GBF1: variants seen among roughly 807,000 people sequenced by gnomAD.
GBF1 encodes Golgi-specific brefeldin A-resistance guanine nucleotide exchange factor 1.
A neutral mutation model predicts 210.5 loss-of-function variants in GBF1; 114 were observed. The ratio of observed to expected loss-of-function variants is 0.54; its 90% CI spans 0.47 to 0.63. The LOEUF (loss-of-function observed/expected upper bound fraction) is 0.63. Ranked by LOEUF, GBF1 falls within the 30% of genes least tolerant of loss-of-function variation. The pLI, the probability that GBF1 is intolerant of heterozygous loss-of-function variation, is 0.00. For missense variants in GBF1, 1,851 were observed against 2,357.7 expected (o/e 0.79, Z 4.45); for synonymous variants, 850 against 889.2 (o/e 0.96, Z 0.78).
chr10:102,369,520 C>A, intron 24 of GBF1, 133 bp downstream of exon 24: 1 of 875,546 alleles, frequency 1.1e-6, no homozygotes, highest in Non-Finnish European at 1.8e-6. Context: ...AGGAATGCCT[C>A]AAATGTAAGA....
chr10:102,279,960 T>C (rs2075329986), intron 3 of GBF1, among the ~76,000 whole-genome samples: 1 of 151,754 alleles, frequency 6.6e-6, no homozygotes, highest in Non-Finnish European at 1.5e-5. Context: ...TCTACTAAAT[T>C]TTTTTTTGTT....
At chr10:102,320,368 G>A (rs1008602530) in intron 3 of GBF1, among the ~76,000 whole-genome samples, 15 of 152,238 alleles carry the variant, frequency 9.9e-5, no homozygotes, top group African/African-American at 2.9e-4. Context: ...AACACTTGGT[G>A]TGGGTCTCTT....
chr10:102,325,254 G>A (rs899343131), intron 3 of GBF1, among the ~76,000 whole-genome samples: 3 of 152,040 alleles, frequency 2.0e-5, no homozygotes, highest in East Asian at 1.9e-4. Flanking sequence ...GTCTCTATAC[G>A]AATGCTGAGA....
At chr10:102,304,773 CAAAA>C (rs567944759) in intron 3 of GBF1, among the ~76,000 whole-genome samples, 3 of 138,568 alleles carry the variant, frequency 2.2e-5, no homozygotes, top group Non-Finnish European at 4.7e-5. Flanking sequence ...GACTTCATCT[CAAAA>C]AAAAAAGAAA....
chr10:102,381,255 GGTGA>G lies in GBF1; in HGVS notation c.5302+3_5302+6del. ...GATTCCATCTGAGCTGGGGGCCTGT[GGTGA>G]GTCTCTCTAGCCTAGCCTGATAGGC... On this transcript the variant is annotated splice_donor_variant and splice_donor_region_variant and intron_variant, in intron 39 of 39. Coordinates refer to ENST00000369983, the MANE Select transcript of GBF1 (RefSeq NM_001377137.1). LOFTEE classifies it high-confidence loss of function. The G allele has an allele frequency of 6.2e-7, 1 of 1,613,652 alleles. No individual in the cohort carries two copies. The highest frequency in any genetic ancestry group is 8.5e-7 in the Non-Finnish European group (1 of 1,179,920).
chr10:102,380,238 G>A lies in GBF1; in HGVS notation c.4879-11G>A. ...CAGTCCCCTCAGCTGAAGGGGGCTG[G>A]TGGGCCATAGGTCTTCCTGCAGCAC... On this transcript the variant is annotated splice_polypyrimidine_tract_variant and intron_variant, in intron 36 of 39. Transcript: ENST00000369983. 1 of 1,587,454 alleles carries A rather than the reference G, an allele frequency of 6.3e-7. No homozygotes were observed. Among genetic ancestry groups the A allele is most frequent in the South Asian group, 1.1e-5 (1 of 90,568 alleles).
intron 1 of GBF1, among the ~76,000 whole-genome samples, chr10:102,252,197 G>A (rs2071627829): frequency 6.6e-6 from 1 of 152,076 alleles, no homozygotes; most frequent in Non-Finnish European, 1.5e-5. Context: ...AAATTGGCCC[G>A]GCATGGTGGC....
intron 4 of GBF1, 111 bp from the exon 5 acceptor site, chr10:102,351,145 C>A: frequency 1.6e-6 from 1 of 618,476 alleles, no homozygotes; most frequent in Middle Eastern, 3.7e-4. Context: ...CAAGGAGCCA[C>A]GGGTTAGGGA....
At chr10:102,252,641 T>C (rs1565013346) in intron 1 of GBF1, among the ~76,000 whole-genome samples, 1 of 152,128 alleles carries the variant, frequency 6.6e-6, no homozygotes, top group African/African-American at 2.4e-5. Context: ...GCTCTGGAGT[T>C]TGAGACCAGC....
At chr10:102,314,141 C>CTT (rs753694140) in intron 3 of GBF1, among the ~76,000 whole-genome samples, 1,411 of 119,898 alleles carry the variant, frequency 0.012, 57 homozygotes, top group South Asian at 0.072. Flanking sequence ...TTAAACATAT[C>CTT]TTTTTTTTTT....
intron 3 of GBF1, among the ~76,000 whole-genome samples, chr10:102,336,315 G>GA (rs971079350): frequency 3.7e-4 from 44 of 118,342 alleles, no homozygotes; most frequent in East Asian, 7.2e-4. Flanking sequence ...AAAAAAAAAA[G>GA]AAAAAAAAAA....
chr10:102,372,726 A>G (rs1170090566), intron 29 of GBF1, among the ~76,000 whole-genome samples: 1 of 152,206 alleles, frequency 6.6e-6, no homozygotes, highest in Non-Finnish European at 1.5e-5. Flanking sequence ...TAGGAGGAAA[A>G]ACCAAATGAA....
chr10:102,312,408 G>A (rs1028727912), intron 3 of GBF1, among the ~76,000 whole-genome samples: 4 of 152,108 alleles, frequency 2.6e-5, no homozygotes, highest in Admixed American at 2.6e-4. Flanking sequence ...CTGTAGCCAC[G>A]GCAGCTCTAT....
At chr10:102,249,853 A>G (rs1012759263) in intron 1 of GBF1, among the ~76,000 whole-genome samples, 7 of 151,868 alleles carry the variant, frequency 4.6e-5, no homozygotes, top group African/African-American at 7.3e-5. Context: ...CACCACACCC[A>G]GCTAATTTTT....
At chr10:102,352,865 T>A (rs1378701344) in intron 7 of GBF1, among the ~76,000 whole-genome samples, 1 of 152,090 alleles carries the variant, frequency 6.6e-6, no homozygotes, top group African/African-American at 2.4e-5. Context: ...GGGCCAAAAT[T>A]AGGGTGACTA....
intron 3 of GBF1, among the ~76,000 whole-genome samples, chr10:102,306,955 A>G (rs1490178950): frequency 1.3e-5 from 2 of 152,184 alleles, no homozygotes; most frequent in African/African-American, 4.8e-5. Context: ...TCAGGGATCT[A>G]TGAGAAGGTC....
At chr10:102,231,987 C>G in the GBF1 span, 64 of 1,610,600 alleles carry the variant, frequency 4.0e-5, no homozygotes, top group Non-Finnish European at 5.4e-5. Flanking sequence ...CCCTTGCAGC[C>G]GTGCTCTGGG....
chr10:102,286,074 A>C (rs1011974904), intron 3 of GBF1, among the ~76,000 whole-genome samples: 2 of 152,132 alleles, frequency 1.3e-5, no homozygotes, highest in African/African-American at 4.8e-5. Flanking sequence ...TGGGTTTGCA[A>C]ATTCATCCTA....
intron 3 of GBF1, among the ~76,000 whole-genome samples, chr10:102,293,764 G>GTTTGTTTT (rs2076643112): frequency 5.9e-5 from 3 of 50,888 alleles, no homozygotes; most frequent in Non-Finnish European, 1.3e-4. Flanking sequence ...GCTGTAGTAT[G>GTTTGTTTT]TTTTGTGTTT....
Sources: allele counts gnomAD v4.1 joint callset (sites outside exome capture counted in the v4.1 genomes callset), GRCh38; gene constraint gnomAD v4.1.1; transcripts MANE v1.5; gene names NCBI Gene and HGNC (gene_info 2026-07-23, HGNC 2026-07-21).